The following CCDC141 variants were observed in gnomAD, a reference collection of about 807,000 sequenced individuals.
The protein encoded by CCDC141 is coiled-coil domain-containing protein 141.
CCDC141 carries 168 observed loss-of-function variants against 181.0 expected under a neutral mutation model. The ratio of observed to expected loss-of-function variants is 0.93; its 90% CI spans 0.82 to 1.05. CCDC141 has a LOEUF of 1.05. Among genes scored for constraint, CCDC141 ranks in the 50% least tolerant of loss-of-function variants. The probability of loss-of-function intolerance (pLI) is 0.00; values close to 1 mark genes in which losing one functional copy is unlikely to be tolerated. For synonymous variants in CCDC141, 666 were observed against 642.3 expected (o/e 1.04, Z -0.56); for missense variants, 1,902 against 1,788.5 (o/e 1.06, Z -1.14).
rs745806984 is a variant in CCDC141, at chr2:178,988,471, A to AC, written c.226-9797_226-9796insG. The stretch of plus-strand genomic sequence containing the variant: ...GTACCCTAAAACTTAAAGTATAATA[A>AC]TAAAAAATAAATAATAAAAAAAAAG... On this transcript the variant is annotated intron_variant, in intron 2 of 23. Transcript: ENST00000443758. 1.7e-3 allele frequency among the ~76,000 whole-genome samples: 225 copies of AC among 135,914 alleles called. 1 individual carries two copies. Among genetic ancestry groups the AC allele is most frequent in the Admixed American group, 2.4e-3 (34 of 14,016 alleles). The allele number at this position is 135,914 out of a possible 152,430, so 89.2% of individuals were successfully genotyped here.
At chr2:179,014,726 C>A (rs2042376268) in intron 2 of CCDC141, among the ~76,000 whole-genome samples, 1 of 151,908 alleles carries the variant, frequency 6.6e-6, no homozygotes, top group African/African-American at 2.4e-5. Flanking sequence ...TGCAATACCA[C>A]CTTACTCCTG....
intron 2 of CCDC141, among the ~76,000 whole-genome samples, chr2:179,036,277 T>TA (rs1374506935): frequency 2.6e-5 from 4 of 152,336 alleles, no homozygotes; most frequent in African/African-American, 9.6e-5. Flanking sequence ...GTTATGGTCA[T>TA]ACTCTAAACT....
rs748890541 is a variant in CCDC141, at chr2:179,029,638, T to C, written c.225+17646A>G. On this transcript the variant is annotated intron_variant, in intron 2 of 23. Transcript: ENST00000443758. ...ACATATTGGATCCATAAGTTAATCA[T>C]GAACATTCTAGGAATTACAACAAAA... 5.9e-5 allele frequency among the ~76,000 whole-genome samples: 9 copies of C among 152,190 alleles called. No individual in the cohort carries two copies. The East Asian group carries it at 1.3e-3, about 23-fold the overall frequency.
rs1350093483 is a variant in CCDC141 at position 178,837,077 on chromosome 2, C to T, written c.4142G>A (p.Gly1381Asp). 1.2e-6 allele frequency: 2 copies of T among 1,613,960 alleles called. No homozygotes were observed. Among genetic ancestry groups the T allele is most frequent in the Non-Finnish European group, 1.7e-6 (2 of 1,179,964 alleles). ...TCGAGGAACCATTTGCCTCTGATAG[C>T]CCCTGCTGGTGCCTGATTGAAACCT... ...GLRFQSGTSR[G>D]YQRQMVPREE... The change falls in exon 23 of 24, where the codon GGC (glycine) becomes GAC (aspartate). Residue 1381 changes from glycine (G) to aspartate (D), a missense_variant. Coordinates refer to ENST00000443758, the MANE Select transcript of CCDC141 (RefSeq NM_173648.4).
intron 2 of CCDC141, among the ~76,000 whole-genome samples, chr2:178,999,064 T>C (rs1005884260): frequency 1.3e-5 from 2 of 152,118 alleles, no homozygotes; most frequent in African/African-American, 4.8e-5. Flanking sequence ...AACACCCTCT[T>C]TCCAAGTGAA....
Position 179,046,929 on chromosome 2 carries a change from C to T in CCDC141, c.225+355G>A, listed in dbSNP as rs150131220. On this transcript the variant is annotated intron_variant, in intron 2 of 23. Transcript: ENST00000443758. ...CTAAATTATTTTTACCAGCAGGTAT[C>T]ATTAACAATAGAAATTGTGGATCTG... Among the ~76,000 whole-genome samples, 674 of 152,224 alleles carry T rather than the reference C, an allele frequency of 4.4e-3. 5 individuals are homozygous for T. Among genetic ancestry groups the T allele is most frequent in the African/African-American group, 0.015 (643 of 41,518 alleles).
At position 178,964,617 on chromosome 2, in the gene CCDC141, G is replaced by A. The variant is rs924645379; in HGVS notation, c.527-3134C>T. Among the ~76,000 whole-genome samples the A allele has an allele frequency of 3.3e-5, 5 of 152,166 alleles. No homozygotes were observed. The South Asian group carries it at 6.2e-4, about 19-fold the overall frequency. ...TCAGTCTGTTACCTGCTACCACGAT[G>A]GCTGTTGAGGTGGATGGATTCTCCC... On this transcript the variant is annotated intron_variant, in intron 4 of 23. Coordinates refer to ENST00000443758, the MANE Select transcript of CCDC141 (RefSeq NM_173648.4).
chr2:178,926,328 G>A (rs1459160579), intron 6 of CCDC141, among the ~76,000 whole-genome samples: 1 of 152,130 alleles, frequency 6.6e-6, no homozygotes, highest in Non-Finnish European at 1.5e-5. Context: ...TTGGAAGATA[G>A]ATTCTATAAA....
At chr2:178,985,373 C>T (rs1358314066) in intron 2 of CCDC141, among the ~76,000 whole-genome samples, 4 of 143,428 alleles carry the variant, frequency 2.8e-5, no homozygotes, top group East Asian at 2.0e-4. Flanking sequence ...AGGAAAGATC[C>T]AAAATTGACA....
At chr2:178,983,668 G>T (rs1196423973) in intron 2 of CCDC141, among the ~76,000 whole-genome samples, 4 of 151,084 alleles carry the variant, frequency 2.6e-5, no homozygotes, top group Non-Finnish European at 5.9e-5. Context: ...CGTGAAGAAT[G>T]CAGAAGCCTC....
At chr2:178,875,336 G>A (rs1367925021) in intron 12 of CCDC141, 1 of 152,152 alleles carries the variant, frequency 6.6e-6, no homozygotes, top group African/African-American at 2.4e-5. Context: ...AGGCAGAGGT[G>A]GGCAGATCAC....
chr2:178,921,731 A>T (rs1666708264), intron 6 of CCDC141, among the ~76,000 whole-genome samples: 1 of 152,164 alleles, frequency 6.6e-6, no homozygotes, highest in Admixed American at 6.5e-5. Flanking sequence ...GTTGGGGAAA[A>T]ACGTTCTATA....
chr2:179,044,112 C>A (rs990344610), intron 2 of CCDC141, among the ~76,000 whole-genome samples: 37 of 152,044 alleles, frequency 2.4e-4, no homozygotes, highest in African/African-American at 8.9e-4. Context: ...AAGTGAAGGA[C>A]CTCTTTAAGG....
chr2:178,830,151 C>T lies in CCDC141; in HGVS notation c.*4022G>A, dbSNP rs575513874. 5 of 152,338 alleles carry T rather than the reference C, an allele frequency of 3.3e-5. No homozygotes were observed. In the South Asian group the frequency reaches 1.0e-3, roughly 32 times the overall value. 9.4% of individuals were successfully genotyped at this position (152,338 alleles called of 1,614,324 possible). A position where few individuals can be genotyped will look rare whatever the true frequency, so the allele number is the denominator to read the frequency against. On this transcript the variant is annotated 3_prime_UTR_variant, in exon 24 of 24. Coordinates refer to ENST00000443758, the MANE Select transcript of CCDC141 (RefSeq NM_173648.4). The stretch of plus-strand genomic sequence containing the variant: ...TAGAGAGTGGAGGCATCCAGTTCCT[C>T]ATACCGGATGATGATTTATGCCTAA...
intron 4 of CCDC141, among the ~76,000 whole-genome samples, chr2:178,964,437 A>T (rs1426883272): frequency 6.6e-6 from 1 of 152,192 alleles, no homozygotes; most frequent in Admixed American, 6.5e-5. Context: ...TATGGTTCCC[A>T]TGAGAATATG....
At chr2:178,824,645 A>AG in the CCDC141 span, among the ~76,000 whole-genome samples, 2 of 141,254 alleles carry the variant, frequency 1.4e-5, no homozygotes, top group African/African-American at 5.1e-5. Flanking sequence ...AAAAAAAAAA[A>AG]GTCAGCTGCA....
At chr2:179,027,646 C>CAAAAAAAAAAAAAAAAAAAAAAAA (rs71023466) in intron 2 of CCDC141, among the ~76,000 whole-genome samples, 9 of 53,274 alleles carry the variant, frequency 1.7e-4, no homozygotes, top group African/African-American at 4.8e-4. Context: ...CTCTTACTCT[C>CAAAAAAAAAAAAAAAAAAAAAAAA]AAAAAAAAAA....
At chr2:178,991,139 C>A (rs1692035975) in intron 2 of CCDC141, among the ~76,000 whole-genome samples, 1 of 152,136 alleles carries the variant, frequency 6.6e-6, no homozygotes, top group African/African-American at 2.4e-5. Context: ...CAGAGCTTAC[C>A]AACTCCTCAA....
chr2:178,976,551 C>T (rs1691132305), intron 3 of CCDC141, among the ~76,000 whole-genome samples: 1 of 152,152 alleles, frequency 6.6e-6, no homozygotes, highest in South Asian at 2.1e-4. Flanking sequence ...TCTGCTGCTG[C>T]CAATCAGGGG....
Sources: allele counts gnomAD v4.1 joint callset (sites outside exome capture counted in the v4.1 genomes callset), GRCh38; gene constraint gnomAD v4.1.1; transcripts MANE v1.5; gene names NCBI Gene and HGNC (gene_info 2026-07-23, HGNC 2026-07-21).